The following TRDN variants were observed in gnomAD, a reference collection of about 807,000 sequenced individuals.
TRDN encodes the protein triadin in skeletal muscle.
Under a neutral mutation model 149.7 loss-of-function variants are expected in TRDN, and 161 were observed. The ratio of observed to expected loss-of-function variants is 1.08; its 90% CI spans 0.95 to 1.23. The LOEUF (loss-of-function observed/expected upper bound fraction) is 1.23. Among genes scored for constraint, TRDN ranks in the 50% most tolerant of loss-of-function variants. The probability of loss-of-function intolerance (pLI) is 0.00; values close to 1 mark genes in which losing one functional copy is unlikely to be tolerated. For missense variants in TRDN, 896 were observed against 823.5 expected (o/e 1.09, Z -1.08); for synonymous variants, 294 against 250.5 (o/e 1.17, Z -1.64).
At chr6:123,419,273 G>T (rs1354856833) in intron 12 of TRDN, among the ~76,000 whole-genome samples, 1 of 152,164 alleles carries the variant, frequency 6.6e-6, no homozygotes, top group Non-Finnish European at 1.5e-5. Flanking sequence ...GTAAGTACTT[G>T]AAAATAGAAA....
At chr6:123,296,202 A>G (rs930443780) in intron 24 of TRDN, among the ~76,000 whole-genome samples, 23 of 152,136 alleles carry the variant, frequency 1.5e-4, no homozygotes, top group African/African-American at 4.8e-4. Flanking sequence ...AGGGCGTATT[A>G]ACAAATCTTG....
chr6:123,284,235 C>T (rs1431024299), intron 24 of TRDN, among the ~76,000 whole-genome samples: 1 of 151,000 alleles, frequency 6.6e-6, no homozygotes, highest in African/African-American at 2.4e-5. Flanking sequence ...GATCAATATT[C>T]TTGATTAACA....
chr6:123,400,190 A>ATATATATATATATATAC (rs1562295327), intron 12 of TRDN, among the ~76,000 whole-genome samples: 3 of 46,542 alleles, frequency 6.4e-5, no homozygotes, highest in Non-Finnish European at 9.1e-5. Flanking sequence ...TATATATATA[A>ATATATATATATATATAC]ACACACACAT....
chr6:123,477,341 A>T (rs1777537058), intron 9 of TRDN, among the ~76,000 whole-genome samples: 1 of 144,854 alleles, frequency 6.9e-6, no homozygotes, highest in Non-Finnish European at 1.5e-5. Flanking sequence ...AGAGAAATAC[A>T]AATCAAAACC....
intron 1 of TRDN, among the ~76,000 whole-genome samples, chr6:123,614,344 A>AT (rs1238806444): frequency 6.6e-6 from 1 of 150,516 alleles, no homozygotes; most frequent in Admixed American, 6.6e-5. Context: ...GACCATTTTA[A>AT]TATGAATTCA....
chr6:123,323,953 G>A (rs973799444), intron 23 of TRDN, among the ~76,000 whole-genome samples: 9 of 152,178 alleles, frequency 5.9e-5, no homozygotes, highest in African/African-American at 2.2e-4. Flanking sequence ...GCATGCATTT[G>A]TAGGTCCTGC....
intron 9 of TRDN, among the ~76,000 whole-genome samples, chr6:123,469,325 T>A (rs752010683): frequency 7.2e-5 from 11 of 152,188 alleles, no homozygotes; most frequent in Non-Finnish European, 1.5e-4. Flanking sequence ...CACTTGCTTC[T>A]GTCTTGTACT....
At chr6:123,569,954 A>G (rs1407174329) in intron 2 of TRDN, among the ~76,000 whole-genome samples, 3 of 152,186 alleles carry the variant, frequency 2.0e-5, no homozygotes, top group Non-Finnish European at 4.4e-5. Context: ...ACAGAGTTCT[A>G]TTTTCATAAT....
intron 5 of TRDN, among the ~76,000 whole-genome samples, chr6:123,527,733 A>C (rs1206498480): frequency 1.3e-5 from 2 of 151,886 alleles, no homozygotes; most frequent in Non-Finnish European, 2.9e-5. Context: ...CCGCTATATT[A>C]CTATATAAAT....
chr6:123,299,657 T>C (rs1017454474), intron 24 of TRDN, among the ~76,000 whole-genome samples: 5 of 152,126 alleles, frequency 3.3e-5, no homozygotes, highest in African/African-American at 1.2e-4. Context: ...ATCTCACCAA[T>C]GTGAAGTACT....
chr6:123,362,424 C>A (rs981101545), intron 20 of TRDN, among the ~76,000 whole-genome samples: 4 of 152,084 alleles, frequency 2.6e-5, no homozygotes, highest in South Asian at 2.1e-4. Flanking sequence ...TAAAACAAGG[C>A]CTTTTATGGC....
intron 18 of TRDN, 114 bp downstream of exon 18, chr6:123,377,602 G>T: frequency 1.6e-6 from 2 of 1,240,574 alleles, no homozygotes; most frequent in Non-Finnish European, 2.3e-6. Flanking sequence ...AACACTGTGA[G>T]ATGGAAGCAT....
At chr6:123,589,486 G>GA (rs911529210) in intron 1 of TRDN, among the ~76,000 whole-genome samples, 1 of 152,012 alleles carries the variant, frequency 6.6e-6, no homozygotes, top group Middle Eastern at 3.2e-3. Context: ...TTTCAATTTG[G>GA]AAAAAAATAC....
At chr6:123,313,274 T>G (rs182042848) in intron 24 of TRDN, among the ~76,000 whole-genome samples, 1 of 151,976 alleles carries the variant, frequency 6.6e-6, no homozygotes, top group Non-Finnish European at 1.5e-5. Context: ...CATTCTGAAG[T>G]CTACTTCTGT....
intron 24 of TRDN, among the ~76,000 whole-genome samples, chr6:123,290,424 T>A (rs979505711): frequency 6.6e-6 from 1 of 152,174 alleles, no homozygotes; most frequent in African/African-American, 2.4e-5. Flanking sequence ...TAGTCAAAGC[T>A]TACTAGTTTG....
intron 12 of TRDN, among the ~76,000 whole-genome samples, chr6:123,426,982 A>C (rs1223308261): frequency 6.7e-6 from 1 of 148,152 alleles, no homozygotes; most frequent in African/African-American, 2.6e-5. Flanking sequence ...CATTATAAAT[A>C]ATTATTAAAC....
At chr6:123,601,700 C>G (rs1048988299) in intron 1 of TRDN, among the ~76,000 whole-genome samples, 3 of 152,138 alleles carry the variant, frequency 2.0e-5, no homozygotes, top group African/African-American at 7.2e-5. Flanking sequence ...CTGTGGCAAT[C>G]CCAGTTTTGA....
intron 5 of TRDN, among the ~76,000 whole-genome samples, chr6:123,516,552 G>A (rs887824908): frequency 3.9e-5 from 6 of 152,040 alleles, no homozygotes; most frequent in Non-Finnish European, 8.8e-5. Flanking sequence ...GATATTGGAT[G>A]AATGCTTGAA....
intron 26 of TRDN, 38 bp from the exon 27 acceptor site, chr6:123,274,708 A>C (rs1777313805): frequency 8.4e-6 from 13 of 1,554,210 alleles, no homozygotes; most frequent in Non-Finnish European, 1.1e-5. Flanking sequence ...AAAACCTGAA[A>C]AAATAAACTA....
Sources: gnomAD v4.1 joint callset for allele counts (sites outside exome capture counted in the v4.1 genomes callset) on GRCh38, gnomAD v4.1.1 for gene constraint, MANE v1.5 for transcripts, NCBI Gene and HGNC (gene_info 2026-07-23, HGNC 2026-07-21) for gene names.